SENP6: variants seen among roughly 807,000 people sequenced by gnomAD.
The protein encoded by SENP6 is sentrin-specific protease 6.
In SENP6, 41 loss-of-function variants were observed where a neutral mutation model predicts 134.5. The observed-to-expected ratio is 0.30, with a 90% confidence interval of 0.24 to 0.40. The LOEUF is 0.40. Ranked by LOEUF, SENP6 falls within the 10% of genes least tolerant of loss-of-function variation. The pLI is 1.00. For missense variants in SENP6, 1,248 were observed against 1,312.5 expected (o/e 0.95, Z 0.76); for synonymous variants, 395 against 429.8 (o/e 0.92, Z 1.00).
chr6:75,631,647 A>G (rs1769121048), intron 3 of SENP6, among the ~76,000 whole-genome samples: 2 of 152,214 alleles, frequency 1.3e-5, no homozygotes, highest in South Asian at 4.1e-4. Context: ...GAAAACAGCC[A>G]TGCTTATTTA....
At chr6:75,645,432 A>G (rs976044814) in intron 6 of SENP6, among the ~76,000 whole-genome samples, 1 of 152,212 alleles carries the variant, frequency 6.6e-6, no homozygotes, top group African/African-American at 2.4e-5. Context: ...CCTGGCTGAC[A>G]TGGTGAAACA....
chr6:75,634,131 T>C (rs1769324374), intron 4 of SENP6, among the ~76,000 whole-genome samples: 1 of 152,154 alleles, frequency 6.6e-6, no homozygotes, highest in African/African-American at 2.4e-5. Context: ...ACCACCATTA[T>C]TGGTAGGATT....
intron 1 of SENP6, among the ~76,000 whole-genome samples, chr6:75,617,166 A>G (rs894912449): frequency 5.9e-5 from 9 of 151,748 alleles, no homozygotes; most frequent in Admixed American, 2.0e-4. Flanking sequence ...GGCATGAGCC[A>G]CTGCACCCAG....
intron 8 of SENP6, among the ~76,000 whole-genome samples, chr6:75,661,952 C>T (rs556354702): frequency 7.0e-4 from 107 of 152,066 alleles, no homozygotes; most frequent in Admixed American, 6.6e-4. Flanking sequence ...CTTGGGAGGC[C>T]GAGGCGGGAG....
chr6:75,625,423 A>G (rs1047479196), intron 3 of SENP6, among the ~76,000 whole-genome samples: 1 of 151,884 alleles, frequency 6.6e-6, no homozygotes, highest in Non-Finnish European at 1.5e-5. Flanking sequence ...CCATTACTAA[A>G]ATTTTAACTC....
Position 75,715,708 on chromosome 6 carries a change from T to A in SENP6, c.*114T>A. 1.4e-6 allele frequency: 1 copy of A among 690,502 alleles called. No individual in the cohort carries two copies. Among genetic ancestry groups the A allele is most frequent in the South Asian group, 2.2e-5 (1 of 46,018 alleles). The allele number at this position is 690,502 out of a possible 1,614,324, so 42.8% of individuals were successfully genotyped here. ...CTCAGTGATTTGGAAATTTTGATGC[T>A]TGTATAAATGTCAGATAATTAATTT... On this transcript the variant is annotated 3_prime_UTR_variant, in exon 24 of 24. Coordinates refer to ENST00000447266, the MANE Select transcript of SENP6 (RefSeq NM_015571.4).
chr6:75,635,505 G>C (rs1055531304), intron 5 of SENP6, among the ~76,000 whole-genome samples: 2 of 151,980 alleles, frequency 1.3e-5, no homozygotes, highest in African/African-American at 4.8e-5. Context: ...TAGACTGCTC[G>C]TCATTTAGAA....
intron 3 of SENP6, among the ~76,000 whole-genome samples, chr6:75,630,848 TA>T (rs34235206): frequency 0.32 from 47,260 of 149,176 alleles, 8,679 homozygotes; most frequent in Admixed American, 0.48. Flanking sequence ...AACCATCATT[TA>T]AAAAAAAAAA....
chr6:75,656,108 A>G (rs1771308736), intron 7 of SENP6, among the ~76,000 whole-genome samples: 1 of 151,470 alleles, frequency 6.6e-6, no homozygotes, highest in South Asian at 2.1e-4. Flanking sequence ...CCAGCTACTC[A>G]GGAGGCAGAG....
chr6:75,713,770 A>G lies in SENP6; in HGVS notation c.3074A>G (p.Asn1025Ser). The G allele has an allele frequency of 6.2e-7, 1 of 1,613,624 alleles. No individual in the cohort carries two copies. The highest frequency in any genetic ancestry group is 8.5e-7 in the Non-Finnish European group (1 of 1,179,728). ...KGSNPKVPQQ[N>S]NFSDCGVYVL... ...TCTAATCCAAAAGTACCACAGCAAA[A>G]CAACTTCAGTGACTGTGGTGTATAT... The change falls in exon 23 of 24, where the codon AAC becomes AGC. Residue 1025 changes from asparagine (N) to serine (S), a missense_variant. Transcript: ENST00000447266.
intron 9 of SENP6, among the ~76,000 whole-genome samples, chr6:75,664,408 A>G (rs1005897890): frequency 1.3e-5 from 2 of 152,176 alleles, no homozygotes; most frequent in African/African-American, 4.8e-5. Flanking sequence ...GTATGTATAT[A>G]TATATACATC....
chr6:75,632,414 A>G (rs1027611699), intron 3 of SENP6, among the ~76,000 whole-genome samples: 1 of 152,220 alleles, frequency 6.6e-6, no homozygotes, highest in Non-Finnish European at 1.5e-5. Context: ...TCCACTTTCT[A>G]GAATTGTCAT....
Position 75,702,925 on chromosome 6 carries a change from G to A in SENP6, c.2569G>A (p.Val857Ile). The change falls in exon 19 of 24, where the codon GTA (valine) becomes ATA (isoleucine). Residue 857 changes from valine to isoleucine, a missense_variant. Val to Ile is a conservative substitution (Grantham distance 29). Transcript: ENST00000447266. ...TCGTTATAAGAGAAACATATGCAGT[G>A]TAAAATACAGTGTGAAAAAAATAAA... Reference protein sequence around the residue: ...DPRYKRNICSVKYSVKKINHT... With the variant: ...DPRYKRNICSIKYSVKKINHT... 1 of 1,614,052 alleles carries A rather than the reference G, an allele frequency of 6.2e-7. No individual in the cohort carries two copies.
At chr6:75,686,848 C>G (rs1393329012) in intron 16 of SENP6, among the ~76,000 whole-genome samples, 1 of 152,146 alleles carries the variant, frequency 6.6e-6, no homozygotes, top group East Asian at 1.9e-4. Flanking sequence ...TCATTTCAAC[C>G]TTGGGGAATC....
At chr6:75,664,630 GACCAGTGTTGAAAGAGAA>G (rs1293363411) in intron 9 of SENP6, among the ~76,000 whole-genome samples, 2 of 152,110 alleles carry the variant, frequency 1.3e-5, no homozygotes, top group Non-Finnish European at 2.9e-5. Flanking sequence ...GCTAATAAAA[GACCAGTGTTGAAAGAGAA>G]ACCATGCTCA....
intron 16 of SENP6, among the ~76,000 whole-genome samples, chr6:75,682,411 T>TG (rs1773527672): frequency 6.6e-6 from 1 of 152,072 alleles, no homozygotes. Flanking sequence ...TATTCTTTTT[T>TG]TTTTTTAATT....
rs1010903751 is a variant in SENP6 at position 75,609,508 on chromosome 6, A to G, written c.52+6932A>G. 6.6e-5 allele frequency among the ~76,000 whole-genome samples: 10 copies of G among 152,328 alleles called. No homozygotes were observed. In the East Asian group the frequency reaches 1.9e-3, roughly 29 times the overall value. On this transcript the variant is annotated intron_variant, in intron 1 of 23. Coordinates refer to ENST00000447266, the MANE Select transcript of SENP6 (RefSeq NM_015571.4). ...TCCACCCTTCAGTGGGAAGAATGAC[A>G]AATAATTTGCAGCTATCTTTAATCT...
chr6:75,670,943 C>T (rs933096947), intron 11 of SENP6, among the ~76,000 whole-genome samples: 2 of 149,404 alleles, frequency 1.3e-5, no homozygotes, highest in East Asian at 1.9e-4. Context: ...ATGCCAGCTT[C>T]GTGCATGAAA....
intron 14 of SENP6, chr6:75,678,146 A>G (rs1442600658): frequency 1.3e-5 from 2 of 155,244 alleles, no homozygotes; most frequent in Admixed American, 6.5e-5. Context: ...TCTTTCCTCC[A>G]AGGAACCCCT....
Sources: gnomAD v4.1 joint callset for allele counts (sites outside exome capture counted in the v4.1 genomes callset) on GRCh38, gnomAD v4.1.1 for gene constraint, MANE v1.5 for transcripts, NCBI Gene and HGNC (gene_info 2026-07-23, HGNC 2026-07-21) for gene names.